The following PLAAT3 variants were observed in gnomAD, a reference collection of about 807,000 sequenced individuals.
The protein encoded by PLAAT3 is Ca-independent phospholipase A1/2.
PLAAT3 carries 21 observed loss-of-function variants against 16.7 expected under a neutral mutation model. The observed-to-expected ratio is 1.26, with a 90% CI of 0.89 to 1.81. The LOEUF is 1.81. Among genes scored for constraint, PLAAT3 ranks in the 40% most tolerant of loss-of-function variants. The pLI is 0.00. For missense variants in PLAAT3, 219 were observed against 213.7 expected (o/e 1.02, Z -0.16); for synonymous variants, 76 against 81.7 (o/e 0.93, Z 0.38).
intron 2 of PLAAT3, among the ~76,000 whole-genome samples, chr11:63,610,595 CCTCTT>C (rs1938668326): frequency 6.6e-6 from 1 of 152,130 alleles, no homozygotes; most frequent in South Asian, 2.1e-4. Context: ...TAAGAAGGGT[CCTCTT>C]CTCTTCTTCT....
intron 3 of PLAAT3, among the ~76,000 whole-genome samples, chr11:63,595,293 A>G (rs1159134658): frequency 1.8e-5 from 1 of 55,730 alleles, no homozygotes; most frequent in Non-Finnish European, 4.9e-5. Context: ...TCCGTCTCGG[A>G]AAAAAAAAAA....
chr11:63,579,803 C>T (rs1480490639), intron 4 of PLAAT3, among the ~76,000 whole-genome samples: 1 of 144,378 alleles, frequency 6.9e-6, no homozygotes, highest in African/African-American at 2.6e-5. Flanking sequence ...AGCACACCAA[C>T]ATGGCACATG....
intron 2 of PLAAT3, among the ~76,000 whole-genome samples, chr11:63,602,723 T>A (rs1291049447): frequency 6.6e-6 from 1 of 152,178 alleles, no homozygotes; most frequent in Non-Finnish European, 1.5e-5. Context: ...TTACATTGTG[T>A]CTACCCTGGC....
At chr11:63,579,017 C>A (rs1469294848) in intron 4 of PLAAT3, among the ~76,000 whole-genome samples, 3 of 151,958 alleles carry the variant, frequency 2.0e-5, no homozygotes, top group African/African-American at 7.3e-5. Context: ...AACTCAAACA[C>A]ATTTACAAGA....
intron 3 of PLAAT3, among the ~76,000 whole-genome samples, chr11:63,595,478 T>C (rs1230247402): frequency 2.0e-5 from 3 of 152,174 alleles, no homozygotes; most frequent in East Asian, 1.9e-4. Flanking sequence ...GGGCATGATG[T>C]TGGCTAAAAG....
At chr11:63,589,524 G>T (rs1161597854) in intron 4 of PLAAT3, among the ~76,000 whole-genome samples, 2 of 151,710 alleles carry the variant, frequency 1.3e-5, no homozygotes, top group African/African-American at 4.8e-5. Flanking sequence ...ATAAAATCAA[G>T]TAAATGAACA....
At chr11:63,579,676 A>G in intron 4 of PLAAT3, among the ~76,000 whole-genome samples, 1 of 140,606 alleles carries the variant, frequency 7.1e-6, no homozygotes, top group East Asian at 2.2e-4. Flanking sequence ...GAACAATGAG[A>G]ACACATGGAC....
At chr11:63,582,880 C>A (rs925313774) in intron 4 of PLAAT3, among the ~76,000 whole-genome samples, 1 of 152,168 alleles carries the variant, frequency 6.6e-6, no homozygotes, top group African/African-American at 2.4e-5. Flanking sequence ...TGCTTATAAT[C>A]CCAGCACTTT....
upstream of PLAAT3, among the ~76,000 whole-genome samples, chr11:63,614,960 A>G (rs1938794559): frequency 6.8e-6 from 1 of 147,458 alleles, no homozygotes; most frequent in African/African-American, 2.5e-5. Flanking sequence ...GGTTGCAGTG[A>G]GCCAAGATCG....
chr11:63,607,098 G>C (rs552375801), intron 2 of PLAAT3, among the ~76,000 whole-genome samples: 1 of 152,298 alleles, frequency 6.6e-6, no homozygotes, highest in East Asian at 1.9e-4. Context: ...TGTGCTGATG[G>C]AATGAGGTGG....
chr11:63,610,677 C>G (rs1215114838), intron 2 of PLAAT3, among the ~76,000 whole-genome samples: 4 of 152,176 alleles, frequency 2.6e-5, no homozygotes, highest in Non-Finnish European at 5.9e-5. Flanking sequence ...AAACTCAGAT[C>G]ACAGAGCAGT....
chr11:63,585,608 G>A (rs745362284), intron 4 of PLAAT3, among the ~76,000 whole-genome samples: 1 of 152,130 alleles, frequency 6.6e-6, no homozygotes, highest in Non-Finnish European at 1.5e-5. Flanking sequence ...ACCAAGAAAT[G>A]AAAGAGGAAA....
chr11:63,609,733 C>G (rs1938648878), intron 2 of PLAAT3, among the ~76,000 whole-genome samples: 4 of 152,166 alleles, frequency 2.6e-5, no homozygotes, highest in Admixed American at 1.3e-4. Context: ...GGCCTCTTAG[C>G]AAGTGGGGGA....
At chr11:63,594,965 G>A (rs962309068) in intron 3 of PLAAT3, among the ~76,000 whole-genome samples, 7 of 151,960 alleles carry the variant, frequency 4.6e-5, no homozygotes, top group Admixed American at 4.6e-4. Flanking sequence ...ATAGGGTGAG[G>A]CCACTAGTTA....
At chr11:63,597,839 G>A (rs1027070255) in intron 3 of PLAAT3, among the ~76,000 whole-genome samples, 35 of 152,294 alleles carry the variant, frequency 2.3e-4, no homozygotes, top group African/African-American at 8.4e-4. Flanking sequence ...CTGGAGGTTG[G>A]GGACCCCTGC....
intron 2 of PLAAT3, among the ~76,000 whole-genome samples, chr11:63,607,011 G>C (rs1450741855): frequency 6.6e-6 from 1 of 152,160 alleles, no homozygotes; most frequent in Admixed American, 6.5e-5. Context: ...CCTGCTAGGA[G>C]GCAACTGCAG....
At chr11:63,593,937 G>A (rs967784559) in intron 3 of PLAAT3, among the ~76,000 whole-genome samples, 14 of 152,174 alleles carry the variant, frequency 9.2e-5, no homozygotes, top group African/African-American at 3.1e-4. Context: ...AACTGGCCGT[G>A]AGTGGCAAGA....
chr11:63,603,642 AAAAAG>A (rs1359784930), intron 2 of PLAAT3, among the ~76,000 whole-genome samples: 4 of 151,822 alleles, frequency 2.6e-5, no homozygotes, highest in African/African-American at 9.7e-5. Context: ...TTGAAGGAAA[AAAAAG>A]AAAAGAAAAA....
intron 2 of PLAAT3, among the ~76,000 whole-genome samples, chr11:63,609,653 A>G (rs1432248815): frequency 1.3e-5 from 2 of 152,146 alleles, no homozygotes; most frequent in African/African-American, 4.8e-5. Flanking sequence ...GCAGAGAGAG[A>G]AGGAGGAGGA....
Sources: allele counts gnomAD v4.1 joint callset (sites outside exome capture counted in the v4.1 genomes callset), GRCh38; gene constraint gnomAD v4.1.1; transcripts MANE v1.5; gene names NCBI Gene and HGNC (gene_info 2026-07-23, HGNC 2026-07-21).